ADD3: variants seen among roughly 807,000 people sequenced by gnomAD.
The protein encoded by ADD3 is gamma-adducin.
A neutral mutation model predicts 80.2 loss-of-function variants in ADD3; 25 were observed. The observed-to-expected ratio is 0.31, with a 90% CI of 0.23 to 0.44. The LOEUF (loss-of-function observed/expected upper bound fraction) is 0.44. Ranked by LOEUF, ADD3 falls within the 20% of genes least tolerant of loss-of-function variation. ADD3 has a pLI of 1.00. For missense variants in ADD3, 829 were observed against 847.5 expected (o/e 0.98, Z 0.27); for synonymous variants, 284 against 289.6 (o/e 0.98, Z 0.20).
At chr10:109,997,555 G>A (rs981394820) in intron 1 of ADD3, 7 of 152,140 alleles carry the variant, frequency 4.6e-5, no homozygotes, top group African/African-American at 1.7e-4. Context: ...TCCTTCTGAA[G>A]GACCCCTTCA....
chr10:110,130,128 A>G (rs186783848), intron 12 of ADD3, among the ~76,000 whole-genome samples: 3 of 152,290 alleles, frequency 2.0e-5, no homozygotes, highest in Non-Finnish European at 4.4e-5. Context: ...TTACTTATAC[A>G]GGCTTATTGA....
intron 2 of ADD3, among the ~76,000 whole-genome samples, chr10:110,109,662 G>A (rs1403807720): frequency 6.6e-6 from 1 of 152,276 alleles, no homozygotes; most frequent in Non-Finnish European, 1.5e-5. Context: ...AAATAGTTTG[G>A]TTTTGAAGGG....
chr10:109,999,291 G>A (rs1024349881), intron 1 of ADD3, among the ~76,000 whole-genome samples: 49 of 152,232 alleles, frequency 3.2e-4, no homozygotes, highest in Non-Finnish European at 6.6e-4. Context: ...GACCTAGGTT[G>A]TGCATTCATA....
intron 1 of ADD3, among the ~76,000 whole-genome samples, chr10:110,055,531 T>A (rs59322356): frequency 6.6e-6 from 1 of 152,050 alleles, no homozygotes; most frequent in African/African-American, 2.4e-5. Context: ...AATATTAATA[T>A]CTTATTTTTC....
intron 1 of ADD3, among the ~76,000 whole-genome samples, chr10:110,075,137 G>T (rs1845238412): frequency 6.6e-6 from 1 of 152,124 alleles, no homozygotes; most frequent in Admixed American, 6.6e-5. Flanking sequence ...CAGAGTATTG[G>T]CTGGATTTAA....
chr10:110,099,561 G>A (rs1848567213), intron 1 of ADD3, among the ~76,000 whole-genome samples: 1 of 152,088 alleles, frequency 6.6e-6, no homozygotes, highest in Admixed American at 6.6e-5. Flanking sequence ...ACATAGTAAG[G>A]GAAAGTATGT....
intron 5 of ADD3, among the ~76,000 whole-genome samples, chr10:110,118,028 A>G (rs902313480): frequency 9.0e-4 from 65 of 72,064 alleles, no homozygotes; most frequent in Admixed American, 1.9e-3. Flanking sequence ...ATACACACAC[A>G]CACACACACA....
At chr10:110,128,653 G>A (rs550822174) in intron 12 of ADD3, among the ~76,000 whole-genome samples, 2 of 152,108 alleles carry the variant, frequency 1.3e-5, no homozygotes, top group African/African-American at 4.8e-5. Flanking sequence ...TCCTGACCTC[G>A]TGATCTGCCC....
chr10:110,051,122 A>G (rs57651278), intron 1 of ADD3, among the ~76,000 whole-genome samples: 18,915 of 152,210 alleles, frequency 0.12, 3,752 homozygotes, highest in African/African-American at 0.42. Context: ...AAAAAAATGA[A>G]GTAAGACCCT....
chr10:110,098,720 C>T (rs1023084004), intron 1 of ADD3, among the ~76,000 whole-genome samples: 1 of 152,052 alleles, frequency 6.6e-6, no homozygotes, highest in Non-Finnish European at 1.5e-5. Flanking sequence ...ACCTCCGCCT[C>T]CCAGGTTCAA....
intron 5 of ADD3, among the ~76,000 whole-genome samples, chr10:110,117,752 A>C (rs1014494756): frequency 6.6e-6 from 1 of 151,930 alleles, no homozygotes; most frequent in Non-Finnish European, 1.5e-5. Context: ...GCAGTGGCTC[A>C]CGCCTGTAAT....
chr10:110,099,076 C>T (rs1466456371), intron 1 of ADD3, among the ~76,000 whole-genome samples: 5 of 147,666 alleles, frequency 3.4e-5, no homozygotes, highest in Admixed American at 1.4e-4. Context: ...CATGCCAACA[C>T]GCCTGGCTTT....
chr10:110,118,561 A>G lies in ADD3; in HGVS notation c.568-26A>G, dbSNP rs1420968121. ...AAACTTTGATACGTATATACCAGTT[A>G]AATATGTCCTTCTGATTTTTTCCAG... On this transcript the variant is annotated intron_variant, in intron 5 of 14. Transcript: ENST00000356080. 11 of 1,606,278 alleles carry G rather than the reference A, an allele frequency of 6.8e-6. No individual in the cohort carries two copies. The South Asian group carries it at 1.2e-4, about 18-fold the overall frequency.
intron 9 of ADD3, among the ~76,000 whole-genome samples, chr10:110,123,398 A>G (rs142614805): frequency 3.5e-5 from 5 of 142,966 alleles, no homozygotes; most frequent in African/African-American, 1.5e-4. Flanking sequence ...CTTTTTTATA[A>G]TAGCGATTCT....
At chr10:110,015,062 A>T (rs997530143) in intron 1 of ADD3, among the ~76,000 whole-genome samples, 1 of 151,946 alleles carries the variant, frequency 6.6e-6, no homozygotes, top group Non-Finnish European at 1.5e-5. Context: ...TTTAGTAGAG[A>T]TGGGGTTTCA....
intron 10 of ADD3, among the ~76,000 whole-genome samples, chr10:110,125,494 CAA>C (rs1318555850): frequency 6.6e-6 from 1 of 151,398 alleles, no homozygotes; most frequent in Non-Finnish European, 1.5e-5. Flanking sequence ...GTGCAGAAGA[CAA>C]AACACTGAAT....
chr10:110,048,457 A>G (rs1589866193), intron 1 of ADD3, among the ~76,000 whole-genome samples: 1 of 152,202 alleles, frequency 6.6e-6, no homozygotes, highest in Non-Finnish European at 1.5e-5. Context: ...AGGAAAATAT[A>G]GGAAAGTTTG....
chr10:110,058,698 A>G (rs1489885727), intron 1 of ADD3, among the ~76,000 whole-genome samples: 1 of 152,178 alleles, frequency 6.6e-6, no homozygotes, highest in Non-Finnish European at 1.5e-5. Context: ...TAAACACACC[A>G]TTTGAGGATA....
At chr10:110,001,604 T>C (rs1290196403), upstream of ADD3, among the ~76,000 whole-genome samples, 1 of 152,188 alleles carries the variant, frequency 6.6e-6, no homozygotes, top group Non-Finnish European at 1.5e-5. Context: ...AGGATAGCTG[T>C]GATCAAACTG....
Sources: allele counts gnomAD v4.1 joint callset (sites outside exome capture counted in the v4.1 genomes callset), GRCh38; gene constraint gnomAD v4.1.1; transcripts MANE v1.5; gene names NCBI Gene and HGNC (gene_info 2026-07-23, HGNC 2026-07-21).